Variants in PPP1CA observed in about 807,000 individuals in gnomAD.
The protein encoded by PPP1CA is serine/threonine-protein phosphatase PP1-alpha catalytic subunit.
A neutral mutation model predicts 38.5 loss-of-function variants in PPP1CA; 14 were observed. That is an observed-to-expected ratio of 0.36 (90% CI 0.24 to 0.57). PPP1CA has a LOEUF of 0.57. PPP1CA is among the 20% of genes least tolerant of loss of function. PPP1CA has a pLI of 0.80. For missense variants in PPP1CA, 277 were observed against 435.2 expected (o/e 0.64, Z 3.23); for synonymous variants, 200 against 177.3 (o/e 1.13, Z -1.02).
rs747122157 is a variant in PPP1CA, at chr11:67,401,818, C to CCGCTCCTGCCT, written c.-47_-37dup. On this transcript the variant is annotated 5_prime_UTR_variant, in exon 1 of 7. Transcript: ENST00000376745. ...CCGCTCCAGCCCAGCAGCTCCTGGC[C>CCGCTCCTGCCT]CGCTCCTGCCTCCCGCCCTCCGGCA... is the stretch of plus-strand genomic sequence containing the variant. The CCGCTCCTGCCT allele has an allele frequency of 7.1e-6, 10 of 1,400,090 alleles. No individual in the cohort carries two copies. The highest frequency in any genetic ancestry group is 2.4e-5 in the Admixed American group (1 of 41,654). 86.7% of individuals were successfully genotyped at this position (1,400,090 alleles called of 1,614,324 possible). A position where few individuals can be genotyped will look rare whatever the true frequency, so the allele number is the denominator to read the frequency against.
In PPP1CA at chr11:67,401,170, G is replaced by C. The variant is rs1453818439; in HGVS notation, c.85C>G (p.Gln29Glu). The change falls in exon 2 of 7, where the codon CAG (glutamine) becomes GAG (glutamate). Residue 29 changes from glutamine (Q) to glutamate (E), a missense_variant. By Grantham distance (29) the Gln-to-Glu change is conservative (BLOSUM62 2). Around this residue, in one of 3 missense-constraint regions of PPP1CA, gnomAD observed 180 missense variants for 356.7 expected, o/e 0.50. Transcript: ENST00000376745. ...CCGCGGATCTCGTTCTCTGTCAGCT[G>C]TACATTCTTGCCAGGCCGCGAGCCC... ...VQGSRPGKNV[Q>E]LTENEIRGLC... 3 of 1,613,964 alleles carry C rather than the reference G, an allele frequency of 1.9e-6. No homozygotes were observed. The East Asian group carries it at 6.7e-5, about 36-fold the overall frequency.
chr11:67,401,246 G>A (rs767406599), intron 1 of PPP1CA, 47 bp from the exon 2 acceptor site: 29 of 1,606,852 alleles, frequency 1.8e-5, no homozygotes, highest in Admixed American at 8.3e-5. Context: ...ACAGGAGGAG[G>A]GTGGGCGACA....
At position 67,398,960 on chromosome 11, in the gene PPP1CA, G is replaced by C; in HGVS notation, c.727C>G (p.Leu243Val). ...CCCACCTGGTGTGCTCGGCAGATGAGGTCCAAGTCGTGCTTGTGGAGGAAC... is the reference window on the plus strand; with the variant it reads ...CCCACCTGGTGTGCTCGGCAGATGACGTCCAAGTCGTGCTTGTGGAGGAAC... The part of the protein sequence containing the change: ...AKFLHKHDLD[L>V]ICRAHQVVED... Residue 243 changes from leucine to valine, a missense_variant, in exon 5 of 7, where the codon CTC (leucine) becomes GTC (valine). Leu to Val is a conservative substitution (Grantham distance 32). Around this residue, in one of 3 missense-constraint regions of PPP1CA, gnomAD observed 180 missense variants for 356.7 expected, o/e 0.50. Transcript: ENST00000376745. The C allele has an allele frequency of 6.2e-7, 1 of 1,613,328 alleles. No individual in the cohort carries two copies. The highest frequency in any genetic ancestry group is 8.5e-7 in the Non-Finnish European group (1 of 1,180,030).
chr11:67,400,995 G>A (rs1175625452), intron 2 of PPP1CA, 73 bp downstream of exon 2: 1 of 1,608,316 alleles, frequency 6.2e-7, no homozygotes, highest in Non-Finnish European at 8.5e-7. Flanking sequence ...GCTCAAGGGA[G>A]GAGGGCTCCA....
chr11:67,401,408 G>A (rs1862886116), intron 1 of PPP1CA: 2 of 817,458 alleles, frequency 2.4e-6, no homozygotes. Context: ...GGAGGCGACT[G>A]TCGTGCGCAG....
rs112122309 is a variant in PPP1CA, at chr11:67,400,921, T to G, written c.188-2A>C. On this transcript the variant is annotated splice_acceptor_variant, in intron 2 of 6. Coordinates refer to ENST00000376745, the MANE Select transcript of PPP1CA (RefSeq NM_002708.4). LOFTEE classifies it high-confidence loss of function. ...CGTAGTACTGGCCGTGTATGTCACC[T>G]GTGACCCAGGGAACCGGGTAAGCTA... 1 of 1,613,856 alleles carries G rather than the reference T, an allele frequency of 6.2e-7. No homozygotes were observed. The highest frequency in any genetic ancestry group is 8.5e-7 in the Non-Finnish European group (1 of 1,179,822).
chr11:67,400,947 G>A (rs1374100970), intron 2 of PPP1CA, 28 bp from the exon 3 acceptor site: 2 of 1,611,914 alleles, frequency 1.2e-6, no homozygotes, highest in South Asian at 2.2e-5. Flanking sequence ...GGGTAAGCTA[G>A]ATGCAAGGTC....
At chr11:67,399,410 C>G (rs963557027) in intron 4 of PPP1CA, 151 bp downstream of exon 4, 14 of 743,088 alleles carry the variant, frequency 1.9e-5, no homozygotes, top group Middle Eastern at 3.4e-4. Context: ...CCATGTAGGA[C>G]ACACATCAAG....
In PPP1CA at chr11:67,398,439, G is replaced by T; in HGVS notation, c.*96C>A. 1 of 1,209,720 alleles carries T rather than the reference G, an allele frequency of 8.3e-7. No homozygotes were observed. Among genetic ancestry groups the T allele is most frequent in the Non-Finnish European group, 1.2e-6 (1 of 850,230 alleles). The allele number at this position is 1,209,720 out of a possible 1,614,324, so 74.9% of individuals were successfully genotyped here. A position where few individuals can be genotyped will look rare whatever the true frequency, so the allele number is the denominator to read the frequency against. ...CAAGGCTCCATGTTCCCCGTGACAG[G>T]TGGGCCTGAGGGGTCGGGGTGACCC... On this transcript the variant is annotated 3_prime_UTR_variant, in exon 7 of 7. Coordinates refer to ENST00000376745, the MANE Select transcript of PPP1CA (RefSeq NM_002708.4).
intron 3 of PPP1CA, 116 bp from the exon 4 acceptor site, chr11:67,399,781 C>G (rs542558028): frequency 8.4e-6 from 6 of 717,358 alleles, no homozygotes; most frequent in African/African-American, 5.3e-5. Context: ...AACCACCCCC[C>G]ACCCCTGCCA....
At position 67,401,783 on chromosome 11, in the gene PPP1CA, G is replaced by A. The variant is rs1199591596; in HGVS notation, c.-1C>T. ...GGTTGAGCTTCTCGCTGTCGGACAT[G>A]GCGGCGCCGCCGCTCCAGCCCAGCA... On this transcript the variant is annotated 5_prime_UTR_variant, in exon 1 of 7. Transcript: ENST00000376745. 11 of 1,468,732 alleles carry A rather than the reference G, an allele frequency of 7.5e-6. No homozygotes were observed. Among genetic ancestry groups the A allele is most frequent in the Non-Finnish European group, 1.0e-5 (11 of 1,100,622 alleles). The allele number at this position is 1,468,732 out of a possible 1,614,324, so 91.0% of individuals were successfully genotyped here.
chr11:67,401,560 G>T, intron 1 of PPP1CA, 168 bp downstream of exon 1: 1 of 591,302 alleles, frequency 1.7e-6, no homozygotes, highest in Non-Finnish European at 2.6e-6. Flanking sequence ...GTCGGAGCTG[G>T]CCCCGGACCT....
At chr11:67,400,971 A>T (rs1260006223) in intron 2 of PPP1CA, 52 bp from the exon 3 acceptor site, 17 of 1,609,882 alleles carry the variant, frequency 1.1e-5, no homozygotes, top group Non-Finnish European at 1.4e-5. Context: ...ACCTGAACCC[A>T]GGGCCAGGAC....
intron 1 of PPP1CA, 145 bp from the exon 2 acceptor site, chr11:67,401,344 G>A (rs886617117): frequency 7.2e-6 from 10 of 1,398,420 alleles, no homozygotes; most frequent in Middle Eastern, 2.5e-4. Context: ...GAGCCTCCCG[G>A]GACCGCGGCC....
chr11:67,398,517 C>T lies in PPP1CA; in HGVS notation c.*18G>A. On this transcript the variant is annotated 3_prime_UTR_variant, in exon 7 of 7. Transcript: ENST00000376745. ...TACAATCAATCCATCATCTGGGGCA[C>T]AGGGTGGTGTGCGGGGGCTATTTCT... The T allele has an allele frequency of 2.5e-6, 4 of 1,609,632 alleles. No individual in the cohort carries two copies. Among genetic ancestry groups the T allele is most frequent in the Non-Finnish European group, 3.4e-6 (4 of 1,176,908 alleles).
chr11:67,399,204 T>G (rs1565121205), intron 4 of PPP1CA, 41 bp from the exon 5 acceptor site: 1 of 1,570,294 alleles, frequency 6.4e-7, no homozygotes, highest in African/African-American at 1.4e-5. Flanking sequence ...AACAAGGACA[T>G]CCTCCCTCCA....
At chr11:67,401,517 C>G (rs1008646006) in intron 1 of PPP1CA, 1 of 567,634 alleles carries the variant, frequency 1.8e-6, no homozygotes, top group Non-Finnish European at 2.9e-6. Flanking sequence ...CCGTGCGCCC[C>G]CAGCCCGGGA....
intron 1 of PPP1CA, 144 bp downstream of exon 1, chr11:67,401,584 G>T (rs980202125): frequency 2.8e-6 from 2 of 722,260 alleles, no homozygotes; most frequent in Non-Finnish European, 3.8e-6. Flanking sequence ...AGGCGCGTCC[G>T]CGGGGGGGCA....
In PPP1CA at chr11:67,398,503, C is replaced by T; in HGVS notation, c.*32G>A. 1 of 1,599,010 alleles carries T rather than the reference C, an allele frequency of 6.3e-7. No individual in the cohort carries two copies. The highest frequency in any genetic ancestry group is 8.6e-7 in the Non-Finnish European group (1 of 1,169,118). On this transcript the variant is annotated 3_prime_UTR_variant, in exon 7 of 7. Transcript: ENST00000376745. ...CAGCATGATTTCTGTACAATCAATC[C>T]ATCATCTGGGGCACAGGGTGGTGTG... is the stretch of plus-strand genomic sequence containing the variant.
Sources: gnomAD v4.1 joint callset for allele counts on GRCh38, gnomAD v4.1.1 for gene constraint, gnomAD v4.1.1 regional missense constraint, MANE v1.5 for transcripts, NCBI Gene and HGNC (gene_info 2026-07-23, HGNC 2026-07-21) for gene names.